PAK3: variants seen among roughly 807,000 people sequenced by gnomAD.
PAK3 encodes serine/threonine-protein kinase PAK 3.
Under a neutral mutation model 41.0 loss-of-function variants are expected in PAK3, and 4 were observed. That is an observed-to-expected ratio of 0.10 (90% CI 0.05 to 0.22). The LOEUF is 0.22. PAK3 is among the 10% of genes least tolerant of loss of function. The pLI, the probability that PAK3 is intolerant of heterozygous loss-of-function variation, is 1.00. For missense variants in PAK3, 205 were observed against 409.9 expected, an observed-to-expected ratio of 0.50 and a Z score of 4.32; for synonymous variants, 146 against 139.6, an observed-to-expected ratio of 1.05 and a Z score of -0.32.
At chrX:111,023,808 G>T (rs2092228762) in intron 1 of PAK3, among the ~76,000 whole-genome samples, 1 of 111,473 alleles carries the variant, frequency 9.0e-6, no homozygotes, top group Admixed American at 9.5e-5. Flanking sequence ...TTGTCAGATG[G>T]ATAGATTGTA....
chrX:111,186,135 C>T (rs946910343), intron 11 of PAK3, among the ~76,000 whole-genome samples: 1 of 111,350 alleles, frequency 9.0e-6, no homozygotes, highest in African/African-American at 3.3e-5. Context: ...ATTGATGGAG[C>T]ATATCTCAAA....
intron 1 of PAK3, among the ~76,000 whole-genome samples, chrX:111,033,633 G>A (rs780575933): frequency 8.9e-6 from 1 of 111,977 alleles, no homozygotes; most frequent in South Asian, 3.8e-4. Context: ...AGGAAAGGCT[G>A]GGGTGTCTGC....
At chrX:111,129,037 T>C (rs915356743) in intron 5 of PAK3, among the ~76,000 whole-genome samples, 17 of 111,562 alleles carry the variant, frequency 1.5e-4, no homozygotes, top group African/African-American at 5.5e-4. Context: ...TCCTAGAGTA[T>C]GTCATCTTCT....
chrX:111,002,687 G>A (rs2091866942), intron 1 of PAK3, among the ~76,000 whole-genome samples: 1 of 111,506 alleles, frequency 9.0e-6, no homozygotes, highest in Admixed American at 9.5e-5. Context: ...CCTTATGTCT[G>A]TGAGGAAACT....
At chrX:110,959,713 A>T (rs929613317) in intron 1 of PAK3, among the ~76,000 whole-genome samples, 1 of 111,307 alleles carries the variant, frequency 9.0e-6, no homozygotes. Context: ...CTTGCAGCTT[A>T]TCAAGTGTAA....
intron 16 of PAK3, among the ~76,000 whole-genome samples, chrX:111,214,662 A>T (rs767518825): frequency 1.8e-5 from 2 of 111,510 alleles, no homozygotes; most frequent in East Asian, 5.6e-4. Flanking sequence ...ATTCTGATGC[A>T]TGCTATAAAG....
chrX:111,168,384 GT>G (rs1251097451), intron 10 of PAK3, among the ~76,000 whole-genome samples: 1 of 111,571 alleles, frequency 9.0e-6, no homozygotes, highest in East Asian at 2.8e-4. Context: ...GTGTCACAGT[GT>G]TTTTTCTTTA....
intron 6 of PAK3, 27 bp from the exon 7 acceptor site, chrX:111,147,710 C>T: frequency 9.2e-7 from 1 of 1,086,685 alleles, no homozygotes; most frequent in Non-Finnish European, 1.3e-6. Flanking sequence ...TTCTGAGCTA[C>T]CATTCTTTCC....
chrX:110,978,235 G>A (rs896983054), intron 1 of PAK3, among the ~76,000 whole-genome samples: 7 of 111,022 alleles, frequency 6.3e-5, no homozygotes, highest in East Asian at 5.6e-4. Context: ...GATGAATCTC[G>A]GTAGGTTATA....
intron 8 of PAK3, among the ~76,000 whole-genome samples, chrX:111,157,114 G>A (rs892385325): frequency 9.0e-6 from 1 of 111,382 alleles, no homozygotes; most frequent in African/African-American, 3.3e-5. Context: ...ACTTCAGTGT[G>A]CATCAGAATT....
In PAK3 at chrX:111,189,244, G is replaced by A. The variant is rs192755971; in HGVS notation, c.831-2883G>A. Among the ~76,000 whole-genome samples the A allele has an allele frequency of 7.2e-5, 8 of 111,822 alleles. No individual in the cohort carries two copies. In the East Asian group the frequency reaches 2.3e-3, roughly 32 times the overall value. On this transcript the variant is annotated intron_variant, in intron 11 of 17. Coordinates refer to ENST00000372007, the MANE Select transcript of PAK3 (RefSeq NM_002578.5). ...CCAGCTCCATCTATGTTACTGCAAA[G>A]GACATGATCTCATTCTTTTTATGGT...
intron 5 of PAK3, among the ~76,000 whole-genome samples, chrX:111,131,999 A>C (rs1201369360): frequency 9.0e-6 from 1 of 111,565 alleles, no homozygotes; most frequent in Non-Finnish European, 1.9e-5. Flanking sequence ...TAATAAAAAA[A>C]GGAAAAACCA....
intron 1 of PAK3, among the ~76,000 whole-genome samples, chrX:110,953,084 T>C (rs767014989): frequency 2.7e-5 from 3 of 112,263 alleles, no homozygotes; most frequent in Admixed American, 9.5e-5. Context: ...TAAGTAGAAT[T>C]GGAAATTGTC....
intron 1 of PAK3, among the ~76,000 whole-genome samples, chrX:110,990,018 CAA>C (rs2091614487): frequency 8.9e-6 from 1 of 112,023 alleles, no homozygotes; most frequent in Non-Finnish European, 1.9e-5. Context: ...AGAATCAAGA[CAA>C]AGTCTTTATA....
At chrX:110,979,916 T>G (rs1017076204) in intron 1 of PAK3, among the ~76,000 whole-genome samples, 2 of 112,112 alleles carry the variant, frequency 1.8e-5, no homozygotes, top group Admixed American at 1.9e-4. Flanking sequence ...CTGGAGGTTC[T>G]GTGGATGAAT....
intron 1 of PAK3, among the ~76,000 whole-genome samples, chrX:110,948,851 T>C (rs1000152552): frequency 3.6e-5 from 4 of 112,392 alleles, no homozygotes; most frequent in Non-Finnish European, 7.5e-5. Flanking sequence ...TTTAAGACTG[T>C]GTGATGCTGT....
intron 1 of PAK3, among the ~76,000 whole-genome samples, chrX:110,965,202 C>A (rs1240643539): frequency 1.8e-5 from 2 of 112,217 alleles, no homozygotes; most frequent in Non-Finnish European, 3.8e-5. Context: ...CCATGTGGGC[C>A]TTGGGGAGGT....
intron 1 of PAK3, among the ~76,000 whole-genome samples, chrX:110,995,102 A>G (rs1338689438): frequency 1.8e-5 from 2 of 111,300 alleles, no homozygotes; most frequent in Non-Finnish European, 3.8e-5. Flanking sequence ...CCTTTAATTA[A>G]TAAGTTCCTT....
Position 111,222,611 on chromosome X carries a change from T to C in PAK3, c.*2164T>C, listed in dbSNP as rs1002541093. 2.7e-5 allele frequency: 3 copies of C among 112,254 alleles called. No individual in the cohort carries two copies. The highest frequency in any genetic ancestry group is 9.7e-5 in the African/African-American group (3 of 30,893). The allele number at this position is 112,254 out of a possible 1,213,427, so 9.3% of individuals were successfully genotyped here. A position where few individuals can be genotyped will look rare whatever the true frequency, so the allele number is the denominator to read the frequency against. On this transcript the variant is annotated 3_prime_UTR_variant, in exon 18 of 18. Transcript: ENST00000372007. ...AAAAATAAGTACTTTAAAAAATTTT[T>C]CACTCATAGTGCCGGGAAATTCAAT...
Sources: allele counts gnomAD v4.1 joint callset (sites outside exome capture counted in the v4.1 genomes callset), GRCh38; gene constraint gnomAD v4.1.1; transcripts MANE v1.5; gene names NCBI Gene and HGNC (gene_info 2026-07-23, HGNC 2026-07-21).